The following LRRC7 variants were observed in gnomAD, a reference collection of about 807,000 sequenced individuals.
The protein encoded by LRRC7 is leucine rich repeat containing 7.
LRRC7 carries 23 observed loss-of-function variants against 175.7 expected under a neutral mutation model. That is an observed-to-expected ratio of 0.13 (90% CI 0.09 to 0.19). The LOEUF (loss-of-function observed/expected upper bound fraction) is 0.19. LRRC7 is among the 10% of genes least tolerant of loss of function. LRRC7 has a pLI of 1.00. For missense variants in LRRC7, 1,354 were observed against 1,904.7 expected, an observed-to-expected ratio of 0.71 and a Z score of 5.38; for synonymous variants, 685 against 680.9, an observed-to-expected ratio of 1.01 and a Z score of -0.09.
At chr1:69,780,721 T>G (rs1298612677) in intron 3 of LRRC7, among the ~76,000 whole-genome samples, 1 of 152,186 alleles carries the variant, frequency 6.6e-6, no homozygotes, top group Non-Finnish European at 1.5e-5. Context: ...AGTATAATTA[T>G]TTCTTTGAAA....
At chr1:69,671,225 G>A (rs1380879618) in intron 1 of LRRC7, among the ~76,000 whole-genome samples, 1 of 152,060 alleles carries the variant, frequency 6.6e-6, no homozygotes, top group Non-Finnish European at 1.5e-5. Flanking sequence ...GTCAGCAGGT[G>A]GTGGATCCTT....
At chr1:69,929,300 A>C (rs1647194012) in intron 7 of LRRC7, among the ~76,000 whole-genome samples, 1 of 152,194 alleles carries the variant, frequency 6.6e-6, no homozygotes, top group Admixed American at 6.5e-5. Context: ...TGTTTATGCA[A>C]CTGAATGATT....
intron 1 of LRRC7, among the ~76,000 whole-genome samples, chr1:69,630,982 T>A (rs1420492524): frequency 6.6e-6 from 1 of 152,118 alleles, no homozygotes; most frequent in Admixed American, 6.6e-5. Flanking sequence ...ATCACTCCTT[T>A]TGAGGAAATT....
chr1:69,640,562 TTTA>T (rs1328224692), intron 1 of LRRC7, among the ~76,000 whole-genome samples: 1 of 151,032 alleles, frequency 6.6e-6, no homozygotes, highest in Non-Finnish European at 1.5e-5. Context: ...GATATTTTAA[TTTA>T]TTATGTTAAT....
At chr1:70,080,903 A>G (rs1237203686) in intron 24 of LRRC7, among the ~76,000 whole-genome samples, 2 of 152,194 alleles carry the variant, frequency 1.3e-5, no homozygotes, top group Non-Finnish European at 2.9e-5. Context: ...CAGAATATTC[A>G]TCCTATTAGA....
chr1:69,888,324 G>A (rs561756886), intron 7 of LRRC7, among the ~76,000 whole-genome samples: 10 of 152,120 alleles, frequency 6.6e-5, no homozygotes, highest in Non-Finnish European at 1.2e-4. Flanking sequence ...CTCATGGTGC[G>A]CCGTTTTTTA....
chr1:70,017,384 A>G (rs1276522866), intron 14 of LRRC7, among the ~76,000 whole-genome samples: 2 of 152,184 alleles, frequency 1.3e-5, no homozygotes, highest in Admixed American at 6.5e-5. Context: ...AATCAGTAAT[A>G]TTGCATTAGT....
chr1:69,592,981 C>T (rs1193201365), intron 1 of LRRC7, among the ~76,000 whole-genome samples: 1 of 151,956 alleles, frequency 6.6e-6, no homozygotes, highest in Non-Finnish European at 1.5e-5. Context: ...TTTAAACACA[C>T]CCACACAATG....
intron 11 of LRRC7, 40 bp downstream of exon 11, chr1:69,994,673 C>A: frequency 7.3e-7 from 1 of 1,367,668 alleles, no homozygotes; most frequent in Admixed American, 1.8e-5. Context: ...CTCTCAAAAG[C>A]CAGAAACTAA....
chr1:69,598,077 T>C (rs2100983185), intron 1 of LRRC7, among the ~76,000 whole-genome samples: 1 of 152,304 alleles, frequency 6.6e-6, no homozygotes, highest in South Asian at 2.1e-4. Context: ...TGAATCCATT[T>C]AAAACCGAAT....
chr1:69,653,129 A>G (rs926326771), intron 1 of LRRC7, among the ~76,000 whole-genome samples: 24 of 152,110 alleles, frequency 1.6e-4, no homozygotes, highest in African/African-American at 5.8e-4. Flanking sequence ...TCTGCATAAC[A>G]AAACAATCAA....
intron 8 of LRRC7, among the ~76,000 whole-genome samples, chr1:69,959,880 T>G (rs746279066): frequency 1.2e-4 from 19 of 152,098 alleles, no homozygotes; most frequent in Non-Finnish European, 2.4e-4. Context: ...GCTGCTGGAT[T>G]CAGTTTGTCA....
intron 8 of LRRC7, among the ~76,000 whole-genome samples, chr1:69,947,149 A>AAATAAATC (rs1553179540): frequency 6.6e-5 from 10 of 150,518 alleles, no homozygotes; most frequent in African/African-American, 9.9e-5. Flanking sequence ...ATAAATAAAT[A>AAATAAATC]AATCTAAAGT....
chr1:69,821,792 G>A (rs1347987962), intron 4 of LRRC7, among the ~76,000 whole-genome samples: 2 of 152,128 alleles, frequency 1.3e-5, no homozygotes, highest in Non-Finnish European at 2.9e-5. Context: ...CTACTCGGGA[G>A]GCTGAGGCAG....
At chr1:69,795,595 T>C (rs1259408023) in intron 4 of LRRC7, among the ~76,000 whole-genome samples, 1 of 152,150 alleles carries the variant, frequency 6.6e-6, no homozygotes, top group African/African-American at 2.4e-5. Context: ...GGACAGGACA[T>C]AATAGACTAT....
At chr1:69,885,027 A>T (rs1408859492) in intron 7 of LRRC7, among the ~76,000 whole-genome samples, 36 of 143,688 alleles carry the variant, frequency 2.5e-4, no homozygotes, top group Admixed American at 5.0e-4. Flanking sequence ...CCAGTATTTT[A>T]TTGAGGATTT....
At chr1:69,749,502 A>T (rs1339234406) in intron 2 of LRRC7, among the ~76,000 whole-genome samples, 2 of 152,200 alleles carry the variant, frequency 1.3e-5, no homozygotes, top group African/African-American at 4.8e-5. Context: ...TATGACTAGA[A>T]AACAATGACC....
At chr1:69,668,780 T>A (rs4650304) in intron 1 of LRRC7, among the ~76,000 whole-genome samples, 10,296 of 152,266 alleles carry the variant, frequency 0.068, 479 homozygotes, top group East Asian at 0.22. Context: ...AAAGCATTCC[T>A]ATTTCTCCAC....
At chr1:70,061,014 A>G (rs1367030132) in intron 23 of LRRC7, among the ~76,000 whole-genome samples, 1 of 152,140 alleles carries the variant, frequency 6.6e-6, no homozygotes, top group Non-Finnish European at 1.5e-5. Flanking sequence ...ACTGGGAGTA[A>G]TACCAGTCTC....
Sources: allele counts gnomAD v4.1 joint callset (sites outside exome capture counted in the v4.1 genomes callset), GRCh38; gene constraint gnomAD v4.1.1; transcripts MANE v1.5; gene names NCBI Gene and HGNC (gene_info 2026-07-23, HGNC 2026-07-21).